ADAMTS12: variants seen among roughly 807,000 people sequenced by gnomAD.
ADAMTS12 encodes ADAM metallopeptidase with thrombospondin type 1 motif 12.
Under a neutral mutation model 167.8 loss-of-function variants are expected in ADAMTS12, and 118 were observed. That is an observed-to-expected ratio of 0.70 (90% CI 0.61 to 0.82). ADAMTS12 has a LOEUF of 0.82. ADAMTS12 is among the 40% of genes least tolerant of loss of function. The probability of loss-of-function intolerance (pLI) is 0.00; values close to 1 mark genes in which losing one functional copy is unlikely to be tolerated. For missense variants in ADAMTS12, 1,916 were observed against 1,998.8 expected, an observed-to-expected ratio of 0.96 and a Z score of 0.79; for synonymous variants, 704 against 716.9, an observed-to-expected ratio of 0.98 and a Z score of 0.29.
chr5:33,561,215 G>A, intron 19 of ADAMTS12, 36 bp from the exon 20 acceptor site: 1 of 1,604,736 alleles, frequency 6.2e-7, no homozygotes, highest in Non-Finnish European at 8.5e-7. Flanking sequence ...CAGAGGCTGA[G>A]TGTCACCTTC....
intron 20 of ADAMTS12, among the ~76,000 whole-genome samples, chr5:33,555,662 T>C (rs536866350): frequency 6.6e-6 from 1 of 152,296 alleles, no homozygotes; most frequent in Non-Finnish European, 1.5e-5. Flanking sequence ...AATGACATAA[T>C]CCCCCAGGTG....
chr5:33,552,194 T>C (rs1210318545), intron 20 of ADAMTS12, among the ~76,000 whole-genome samples: 1 of 152,246 alleles, frequency 6.6e-6, no homozygotes, highest in African/African-American at 2.4e-5. Context: ...TCTTGTGCTA[T>C]TTTTGATTTA....
chr5:33,713,853 T>G (rs12516802), intron 3 of ADAMTS12, among the ~76,000 whole-genome samples: 92,270 of 151,392 alleles, frequency 0.61, 29,255 homozygotes, highest in Non-Finnish European at 0.69. Flanking sequence ...ATAAATCTAT[T>G]TGGGAGACAT....
At chr5:33,807,388 T>C (rs1416802376) in intron 2 of ADAMTS12, among the ~76,000 whole-genome samples, 1 of 152,214 alleles carries the variant, frequency 6.6e-6, no homozygotes, top group African/African-American at 2.4e-5. Flanking sequence ...AACTTTTAGC[T>C]TCATCATTTA....
intron 3 of ADAMTS12, chr5:33,751,164 C>T (rs1256818617): frequency 6.0e-6 from 3 of 496,984 alleles, no homozygotes; most frequent in Non-Finnish European, 1.0e-5. Context: ...CTTTTATTTC[C>T]TTCTCATTAA....
chr5:33,648,733 T>C (rs1453171594), intron 9 of ADAMTS12, 89 bp downstream of exon 9: 40 of 1,438,732 alleles, frequency 2.8e-5, no homozygotes, highest in Non-Finnish European at 3.8e-5. Flanking sequence ...TGTCTGGATG[T>C]TCAGTTATTT....
In ADAMTS12 at chr5:33,549,482, A is replaced by C. The variant is rs994459070; in HGVS notation, c.4126-99T>G. On this transcript the variant is annotated intron_variant, in intron 20 of 23. Coordinates refer to ENST00000504830, the MANE Select transcript of ADAMTS12 (RefSeq NM_030955.4). ...GGAGGCGCCAGGCATTCAGTCATAA[A>C]GAGGGGTTAGGTCTAGTTCCGGTGA... 14 of 1,425,100 alleles carry C rather than the reference A, an allele frequency of 9.8e-6. No individual in the cohort carries two copies. The African/African-American group carries it at 1.8e-4, about 19-fold the overall frequency. 88.3% of individuals were successfully genotyped at this position (1,425,100 alleles called of 1,614,324 possible).
intron 1 of ADAMTS12, chr5:33,887,987 C>T (rs1750697040): frequency 6.6e-6 from 1 of 152,050 alleles, no homozygotes; most frequent in Non-Finnish European, 1.5e-5. Context: ...TCAGGTTATC[C>T]ACGCACCTCG....
intron 3 of ADAMTS12, among the ~76,000 whole-genome samples, chr5:33,702,963 A>G (rs1743055947): frequency 6.6e-6 from 1 of 152,162 alleles, no homozygotes; most frequent in Admixed American, 6.5e-5. Context: ...GTCTCACTGG[A>G]TTCCTACAAC....
chr5:33,891,461 A>G, intron 1 of ADAMTS12: 1 of 411,200 alleles, frequency 2.4e-6, no homozygotes. Flanking sequence ...GTTACCAGCT[A>G]CCTCTTGGGT....
chr5:33,546,015 A>G (rs1375220108), intron 22 of ADAMTS12, 44 bp downstream of exon 22: 2 of 1,575,870 alleles, frequency 1.3e-6, no homozygotes, highest in East Asian at 2.2e-5. Flanking sequence ...TATTAAAAAA[A>G]AAAAAAAGCT....
chr5:33,573,916 C>A (rs1429417815), intron 19 of ADAMTS12, among the ~76,000 whole-genome samples: 1 of 152,076 alleles, frequency 6.6e-6, no homozygotes, highest in African/African-American at 2.4e-5. Flanking sequence ...AACAAACAAC[C>A]CCATCGAAAA....
intron 5 of ADAMTS12, among the ~76,000 whole-genome samples, chr5:33,676,861 G>T (rs1282284113): frequency 2.6e-5 from 4 of 152,048 alleles, no homozygotes; most frequent in Non-Finnish European, 5.9e-5. Flanking sequence ...TTTAATTCTA[G>T]AGTTTCCAAA....
chr5:33,738,998 A>G (rs924999573), intron 3 of ADAMTS12, among the ~76,000 whole-genome samples: 12 of 152,228 alleles, frequency 7.9e-5, no homozygotes, highest in Non-Finnish European at 1.5e-4. Context: ...CAACTTATCC[A>G]GCAAGGGAAA....
In ADAMTS12 at chr5:33,888,205, A is replaced by G. The variant is rs1750707619; in HGVS notation, c.127+3525T>C. 1.3e-5 allele frequency: 2 copies of G among 152,204 alleles called. 1 individual carries two copies. Among genetic ancestry groups the G allele is most frequent in the South Asian group, 4.1e-4 (2 of 4,826 alleles). The allele number at this position is 152,204 out of a possible 1,614,324, so 9.4% of individuals were successfully genotyped here. A position where few individuals can be genotyped will look rare whatever the true frequency, so the allele number is the denominator to read the frequency against. ...TATATTTATTTCTATCTTAGAGACA[A>G]TTGAATTTCTCAGATCCCTTTCTAA... On this transcript the variant is annotated intron_variant, in intron 1 of 23. Coordinates refer to ENST00000504830, the MANE Select transcript of ADAMTS12 (RefSeq NM_030955.4).
chr5:33,891,686 C>G (rs757686799), intron 1 of ADAMTS12, 44 bp downstream of exon 1: 6 of 1,611,568 alleles, frequency 3.7e-6, no homozygotes, highest in Non-Finnish European at 4.2e-6. Context: ...TCCCGCAAGT[C>G]TTACCACCAC....
intron 3 of ADAMTS12, among the ~76,000 whole-genome samples, chr5:33,731,329 G>GCA (rs1159725798): frequency 5.3e-5 from 8 of 151,884 alleles, no homozygotes; most frequent in Non-Finnish European, 1.2e-4. Flanking sequence ...GGGATTACAG[G>GCA]TGTAAGCCAC....
At chr5:33,873,523 A>G (rs548531140) in intron 2 of ADAMTS12, among the ~76,000 whole-genome samples, 3 of 152,324 alleles carry the variant, frequency 2.0e-5, no homozygotes, top group Admixed American at 6.5e-5. Flanking sequence ...TGCAATCCCA[A>G]CCAAAATCTT....
chr5:33,862,018 C>T (rs757522240), intron 2 of ADAMTS12, among the ~76,000 whole-genome samples: 3 of 152,178 alleles, frequency 2.0e-5, no homozygotes, highest in African/African-American at 4.8e-5. Context: ...CTCTGGGACA[C>T]AGCTAAAGCA....
Sources: allele counts gnomAD v4.1 joint callset (sites outside exome capture counted in the v4.1 genomes callset), GRCh38; gene constraint gnomAD v4.1.1; transcripts MANE v1.5; gene names NCBI Gene and HGNC (gene_info 2026-07-23, HGNC 2026-07-21).